DTNA: variants seen among roughly 807,000 people sequenced by gnomAD.
The protein encoded by DTNA is dystrobrevin alpha.
Under a neutral mutation model 100.7 loss-of-function variants are expected in DTNA, and 43 were observed. That is an observed-to-expected ratio of 0.43 (90% confidence interval 0.33 to 0.55). DTNA has a LOEUF of 0.55. DTNA is among the 20% of genes least tolerant of loss of function. The pLI, the probability that DTNA is intolerant of heterozygous loss-of-function variation, is 0.04. For synonymous variants in DTNA, 349 were observed against 347.9 expected, an observed-to-expected ratio of 1.00 and a Z score of -0.04; for missense variants, 798 against 953.9, an observed-to-expected ratio of 0.84 and a Z score of 2.15.
In DTNA at chr18:34,765,927, G is replaced by A. The variant is rs1421956097; in HGVS notation, c.68-34G>A. The A allele has an allele frequency of 6.9e-6, 11 of 1,602,162 alleles. No individual in the cohort carries two copies. Among genetic ancestry groups the A allele is most frequent in the African/African-American group, 1.3e-5 (1 of 74,628 alleles). On this transcript the variant is annotated intron_variant, in intron 2 of 22. Transcript: ENST00000444659. ...ATTGTAAATTTCTTTCTGCACACAT[G>A]GCATACCTTATGTGTCCTTTTTCCC... is the stretch of plus-strand genomic sequence containing the variant.
At chr18:34,559,616 C>T (rs9945021) in intron 1 of DTNA, among the ~76,000 whole-genome samples, 1 of 152,272 alleles carries the variant, frequency 6.6e-6, no homozygotes, top group South Asian at 2.1e-4. Context: ...CCTTCATTCA[C>T]CAAGGCTCAT....
At chr18:34,714,676 C>T (rs1288440651) in intron 1 of DTNA, among the ~76,000 whole-genome samples, 9 of 150,426 alleles carry the variant, frequency 6.0e-5, no homozygotes, top group South Asian at 2.1e-4. Context: ...GTCAGTGTGG[C>T]GATTCCTCAG....
At position 34,665,002 on chromosome 18, in the gene DTNA, G is replaced by A. The variant is rs191243729; in HGVS notation, c.-1-90974G>A. 3.0e-4 allele frequency among the ~76,000 whole-genome samples: 45 copies of A among 148,946 alleles called. 1 individual carries two copies. Among genetic ancestry groups the A allele is most frequent in the Admixed American group, 8.7e-4 (13 of 14,938 alleles). ...TTCTTCTTCTTTTTTTTTTTTTAAA[G>A]GTACTCATCTCCCCAGAGTCAGATG... is the stretch of plus-strand genomic sequence containing the variant. On this transcript the variant is annotated intron_variant, in intron 1 of 19. Transcript: ENST00000283365.
At chr18:34,704,763 G>A (rs1232442544) in intron 1 of DTNA, among the ~76,000 whole-genome samples, 1 of 152,146 alleles carries the variant, frequency 6.6e-6, no homozygotes, top group East Asian at 1.9e-4. Context: ...AAGAAACTAA[G>A]AAACAATAAT....
chr18:34,592,790 A>T (rs185251143), intron 1 of DTNA, among the ~76,000 whole-genome samples: 16 of 152,286 alleles, frequency 1.1e-4, no homozygotes, highest in Middle Eastern at 3.4e-3. Flanking sequence ...TCTCTTTCTT[A>T]CTACAGCCAT....
Position 34,810,065 on chromosome 18 carries a change from T to C in DTNA, c.449-1894T>C, listed in dbSNP as rs183344258. 2.6e-5 allele frequency among the ~76,000 whole-genome samples: 4 copies of C among 152,318 alleles called. No individual in the cohort carries two copies. The East Asian group carries it at 7.7e-4, about 29-fold the overall frequency. ...TGGAACATTTGTTTATACTTCTGTC[T>C]TAGGGCTCCTGGATAGTTCTAAGGA... On this transcript the variant is annotated intron_variant, in intron 5 of 22. Transcript: ENST00000444659.
intron 15 of DTNA, among the ~76,000 whole-genome samples, chr18:34,854,180 C>T (rs760992025): frequency 7.2e-5 from 11 of 152,124 alleles, no homozygotes; most frequent in Non-Finnish European, 1.5e-4. Flanking sequence ...CTCAAATGTA[C>T]TGATACTTTA....
At chr18:34,724,595 A>G (rs2086152714) in intron 1 of DTNA, among the ~76,000 whole-genome samples, 1 of 152,236 alleles carries the variant, frequency 6.6e-6, no homozygotes, top group South Asian at 2.1e-4. Context: ...TCACATGGCA[A>G]GAGAGGGGAG....
At chr18:34,732,446 C>T (rs2088521821) in intron 1 of DTNA, among the ~76,000 whole-genome samples, 1 of 152,216 alleles carries the variant, frequency 6.6e-6, no homozygotes, top group Non-Finnish European at 1.5e-5. Flanking sequence ...TGCGATCCTC[C>T]TTTACTTATC....
At chr18:34,669,162 TAC>T (rs1443865488) in intron 1 of DTNA, among the ~76,000 whole-genome samples, 12 of 152,242 alleles carry the variant, frequency 7.9e-5, no homozygotes, top group Non-Finnish European at 1.5e-4. Context: ...GTTAAATCGA[TAC>T]CTTTACCATT....
intron 1 of DTNA, among the ~76,000 whole-genome samples, chr18:34,505,268 T>C (rs1389693367): frequency 6.6e-6 from 1 of 152,216 alleles, no homozygotes; most frequent in East Asian, 1.9e-4. Flanking sequence ...TATCTCCTAC[T>C]TACTTTTCTG....
chr18:34,519,344 A>G (rs2041954887), intron 1 of DTNA, among the ~76,000 whole-genome samples: 1 of 152,186 alleles, frequency 6.6e-6, no homozygotes, highest in African/African-American at 2.4e-5. Context: ...CAGAAATCAT[A>G]AAACTCTAGA....
At chr18:34,558,896 A>C (rs1168964908) in intron 1 of DTNA, among the ~76,000 whole-genome samples, 1 of 152,218 alleles carries the variant, frequency 6.6e-6, no homozygotes, top group African/African-American at 2.4e-5. Context: ...GCCAGTACTA[A>C]GATAGCCAGA....
In DTNA at chr18:34,713,111, C is replaced by A. The variant is rs1167146747; in HGVS notation, c.-2+2666C>A. Among the ~76,000 whole-genome samples the A allele has an allele frequency of 7.3e-5, 11 of 151,670 alleles. 1 individual carries two copies. The South Asian group carries it at 1.0e-3, about 14-fold the overall frequency. On this transcript the variant is annotated intron_variant, in intron 1 of 22. Transcript: ENST00000444659. The stretch of plus-strand genomic sequence containing the variant: ...AGAATTGGATTTTTTTTTTAGAAAT[C>A]TAAGACTTTTCAAATGAAAAAGAAA...
chr18:34,740,294 T>C (rs1395447701), intron 1 of DTNA, among the ~76,000 whole-genome samples: 2 of 152,176 alleles, frequency 1.3e-5, no homozygotes, highest in Non-Finnish European at 2.9e-5. Context: ...GCTGCTTGTC[T>C]GTGTGCCCAG....
At chr18:34,554,633 CAT>C (rs2045831437) in intron 1 of DTNA, among the ~76,000 whole-genome samples, 1 of 151,098 alleles carries the variant, frequency 6.6e-6, no homozygotes, top group African/African-American at 2.4e-5. Context: ...TTGAGATAAT[CAT>C]GTGGTTTTTG....
At chr18:34,815,732 A>C in intron 6 of DTNA, 177 bp from the exon 7 acceptor site, 1 of 612,544 alleles carries the variant, frequency 1.6e-6, no homozygotes, top group South Asian at 1.9e-5. Context: ...TATAAAAAGC[A>C]AACGATGTTT....
intron 1 of DTNA, among the ~76,000 whole-genome samples, chr18:34,531,918 ATCT>A (rs1225797284): frequency 2.6e-5 from 4 of 152,170 alleles, no homozygotes; most frequent in African/African-American, 7.2e-5. Context: ...GAACATGAAC[ATCT>A]TCTGCCAAAA....
chr18:34,879,534 T>C lies in DTNA; in HGVS notation c.1994-17T>C, dbSNP rs760167797. ...ATCTAACGAGTCATTCTTTATTTCT[T>C]CAATTGTATCTGCTAGAGGTTGGGA... On this transcript the variant is annotated splice_polypyrimidine_tract_variant and intron_variant, in intron 19 of 22. Coordinates refer to ENST00000444659, the MANE Select transcript of DTNA (RefSeq NM_001386795.1). The C allele has an allele frequency of 5.6e-6, 9 of 1,613,966 alleles. No individual in the cohort carries two copies. In the South Asian group the frequency reaches 9.9e-5, roughly 18 times the overall value.
Sources: gnomAD v4.1 joint callset for allele counts (sites outside exome capture counted in the v4.1 genomes callset) on GRCh38, gnomAD v4.1.1 for gene constraint, MANE v1.5 for transcripts, NCBI Gene and HGNC (gene_info 2026-07-23, HGNC 2026-07-21) for gene names.